The following RPGRIP1 variants were observed in gnomAD, a reference collection of about 807,000 sequenced individuals.
The protein encoded by RPGRIP1 is X-linked retinitis pigmentosa GTPase regulator-interacting protein 1.
RPGRIP1 carries 128 observed loss-of-function variants against 157.9 expected under a neutral mutation model. The observed-to-expected ratio is 0.81, with a 90% CI of 0.70 to 0.94. RPGRIP1 has a LOEUF of 0.94. Among genes scored for constraint, RPGRIP1 ranks in the 40% least tolerant of loss-of-function variants. The probability of loss-of-function intolerance (pLI) is 0.00; values close to 1 mark genes in which losing one functional copy is unlikely to be tolerated. For synonymous variants in RPGRIP1, 554 were observed against 571.6 expected (o/e 0.97, Z 0.44); for missense variants, 1,486 against 1,545.8 (o/e 0.96, Z 0.65).
At chr14:21,306,567 T>A (rs1217526163) in intron 6 of RPGRIP1, among the ~76,000 whole-genome samples, 1 of 151,810 alleles carries the variant, frequency 6.6e-6, no homozygotes. Context: ...CAAGTGATTC[T>A]CCTGCCTCAG....
chr14:21,320,215 A>G lies in RPGRIP1; in HGVS notation c.1467+38A>G, dbSNP rs1345128634. 3.2e-6 allele frequency: 5 copies of G among 1,559,804 alleles called. No homozygotes were observed. In the Admixed American group the frequency reaches 9.3e-5, roughly 29 times the overall value. On this transcript the variant is annotated intron_variant, in intron 12 of 24. Coordinates refer to ENST00000400017, the MANE Select transcript of RPGRIP1 (RefSeq NM_020366.4). ...TTAAACAAACTAGTCCACTCTGCAG[A>G]GAGATCTCTGGCAAATATCTCTAGG...
intron 2 of RPGRIP1, among the ~76,000 whole-genome samples, chr14:21,293,000 GC>G (rs765442584): frequency 7.2e-5 from 11 of 151,822 alleles, no homozygotes; most frequent in Non-Finnish European, 7.4e-5. Flanking sequence ...CAAAAAATTA[GC>G]CAGGTGTGGT....
rs762060547 is a variant in RPGRIP1 at position 21,311,782 on chromosome 14, A to G, written c.931-42A>G. The G allele has an allele frequency of 2.6e-6, 4 of 1,552,956 alleles. No homozygotes were observed. The South Asian group carries it at 4.9e-5, about 19-fold the overall frequency. ...TGGTGTCTGGAGACCACTCGTGCTGAGTGATATGACCATTCCCAGAGGTAC... is the reference window on the plus strand; with the variant it reads ...TGGTGTCTGGAGACCACTCGTGCTGGGTGATATGACCATTCCCAGAGGTAC... On this transcript the variant is annotated intron_variant, in intron 8 of 24. Coordinates refer to ENST00000400017, the MANE Select transcript of RPGRIP1 (RefSeq NM_020366.4).
intron 23 of RPGRIP1, among the ~76,000 whole-genome samples, 190 bp downstream of exon 23, chr14:21,345,387 GTTATTTAT>G (rs139819474): frequency 8.0e-5 from 12 of 150,740 alleles, no homozygotes; most frequent in African/African-American, 2.0e-4. Flanking sequence ...AATCTTATAG[GTTATTTAT>G]TTATTTATTT....
chr14:21,317,732 C>T lies in RPGRIP1; in HGVS notation c.1188C>T (p.His396=). The part of the protein sequence containing the change: ...LDSSDSSSQP[H]WSNELIAEQL... ...GCAGTGACAGCTCCAGTCAGCCCCA[C>T]TGGAGCAACGAGCTCATAGCGGAAC... is the stretch of plus-strand genomic sequence containing the variant. The change falls in exon 11 of 25, where the codon CAC becomes CAT. Residue 396 remains histidine, a synonymous_variant. Transcript: ENST00000400017. 1.3e-6 allele frequency: 2 copies of T among 1,589,658 alleles called. No homozygotes were observed. Among genetic ancestry groups the T allele is most frequent in the East Asian group, 2.3e-5 (1 of 43,810 alleles).
At chr14:21,281,402 T>C (rs529993063) in intron 1 of RPGRIP1, among the ~76,000 whole-genome samples, 19 of 151,588 alleles carry the variant, frequency 1.3e-4, no homozygotes, top group Admixed American at 1.2e-3. Flanking sequence ...AAAAATCTAC[T>C]CTTGGCCCAG....
Position 21,321,286 on chromosome 14 carries a change from A to C in RPGRIP1, c.1495A>C (p.Lys499Gln). The part of the protein sequence containing the change: ...EPSEPKNQEE[K>Q]KLSQVLNELQ... ...AAGTGAACCCAAAAACCAAGAAGAA[A>C]AGAAACTGTCCCAGGTGCTAAATGA... is the stretch of plus-strand genomic sequence containing the variant. Residue 499 changes from lysine to glutamine, a missense_variant, in exon 13 of 25, where the codon AAG (lysine) becomes CAG (glutamine). By Grantham distance (53) the Lys-to-Gln change is moderately conservative. Coordinates refer to ENST00000400017, the MANE Select transcript of RPGRIP1 (RefSeq NM_020366.4). 6.2e-7 allele frequency: 1 copy of C among 1,613,632 alleles called. No individual in the cohort carries two copies. The highest frequency in any genetic ancestry group is 8.5e-7 in the Non-Finnish European group (1 of 1,179,776).
intron 20 of RPGRIP1, among the ~76,000 whole-genome samples, chr14:21,331,058 T>C (rs942268908): frequency 4.0e-5 from 6 of 151,760 alleles, no homozygotes; most frequent in African/African-American, 9.7e-5. Context: ...TACAGGTATG[T>C]GCCACCATCC....
At chr14:21,293,715 A>G (rs1478798832) in intron 2 of RPGRIP1, among the ~76,000 whole-genome samples, 1 of 152,144 alleles carries the variant, frequency 6.6e-6, no homozygotes, top group Non-Finnish European at 1.5e-5. Flanking sequence ...CGTCTCTACT[A>G]AAAATACAAA....
At position 21,321,858 on chromosome 14, in the gene RPGRIP1, A is replaced by G. The variant is rs777514145; in HGVS notation, c.1616A>G (p.Glu539Gly). The G allele has an allele frequency of 6.2e-7, 1 of 1,611,516 alleles. No homozygotes were observed. Among genetic ancestry groups the G allele is most frequent in the African/African-American group, 1.3e-5 (1 of 74,766 alleles). ...TCAGACATTATTTTGTTTCAGGAGGAACTGGAGGCAATGATGACAAAAGCT... is the reference window on the plus strand; with the variant it reads ...TCAGACATTATTTTGTTTCAGGAGGGACTGGAGGCAATGATGACAAAAGCT... ...QRKINVCYQE[E>G]LEAMMTKADN... Residue 539 changes from glutamate (E) to glycine (G), a missense_variant, in exon 14 of 25, where the codon GAA becomes GGA. Physicochemically the swap from Glu to Gly is moderately conservative, Grantham distance 98. Transcript: ENST00000400017.
intron 21 of RPGRIP1, among the ~76,000 whole-genome samples, chr14:21,337,399 G>A (rs1259403396): frequency 6.7e-6 from 1 of 149,260 alleles, no homozygotes; most frequent in Non-Finnish European, 1.5e-5. Flanking sequence ...GATAATAGTA[G>A]TCTCATTTCT....
intron 11 of RPGRIP1, among the ~76,000 whole-genome samples, chr14:21,318,555 A>G (rs1054364622): frequency 9.2e-5 from 14 of 152,140 alleles, no homozygotes; most frequent in Non-Finnish European, 1.5e-5. Flanking sequence ...GGCTCACTTC[A>G]ACCTCTGCCT....
At chr14:21,324,373 G>C (rs905570277) in intron 14 of RPGRIP1, 1 of 560,784 alleles carries the variant, frequency 1.8e-6, no homozygotes, top group Non-Finnish European at 3.2e-6. Flanking sequence ...CCTAAGTTTA[G>C]CATCTACTTT....
intron 11 of RPGRIP1, 46 bp from the exon 12 acceptor site, chr14:21,319,971 G>A (rs1382725790): frequency 6.5e-7 from 1 of 1,547,460 alleles, no homozygotes; most frequent in Non-Finnish European, 8.8e-7. Flanking sequence ...TGACCATGGT[G>A]ATAAATAACT....
chr14:21,306,084 G>C (rs1031979672), intron 6 of RPGRIP1, among the ~76,000 whole-genome samples: 1 of 133,264 alleles, frequency 7.5e-6, no homozygotes, highest in Non-Finnish European at 1.6e-5. Flanking sequence ...TAAAGAAAAC[G>C]TGAGCTCCTA....
intron 6 of RPGRIP1, among the ~76,000 whole-genome samples, chr14:21,304,434 A>T (rs916421202): frequency 6.6e-6 from 1 of 151,820 alleles, no homozygotes; most frequent in African/African-American, 2.4e-5. Context: ...AAAGAAAGAA[A>T]GAAAGAAAGA....
intron 10 of RPGRIP1, among the ~76,000 whole-genome samples, chr14:21,317,049 G>C (rs1391819855): frequency 6.6e-6 from 1 of 151,926 alleles, no homozygotes; most frequent in Non-Finnish European, 1.5e-5. Context: ...GAACCTGGGA[G>C]GCAGAGGTTG....
At chr14:21,317,173 C>T (rs752342345) in intron 10 of RPGRIP1, among the ~76,000 whole-genome samples, 1 of 151,904 alleles carries the variant, frequency 6.6e-6, no homozygotes, top group Non-Finnish European at 1.5e-5. Context: ...ATTTTATACT[C>T]AAAATGGGTC....
intron 7 of RPGRIP1, among the ~76,000 whole-genome samples, chr14:21,309,085 G>A (rs879943468): frequency 6.6e-6 from 1 of 152,220 alleles, no homozygotes; most frequent in Non-Finnish European, 1.5e-5. Context: ...GGCTGTAAGA[G>A]CCAGGGCTTT....
Sources: allele counts gnomAD v4.1 joint callset (sites outside exome capture counted in the v4.1 genomes callset), GRCh38; gene constraint gnomAD v4.1.1; transcripts MANE v1.5; gene names NCBI Gene and HGNC (gene_info 2026-07-23, HGNC 2026-07-21).